ARHGAP22: variants seen among roughly 807,000 people sequenced by gnomAD.
The protein encoded by ARHGAP22 is Rho GTPase activating protein 22, also known as rho GTPase-activating protein 22.
In ARHGAP22, 48 loss-of-function variants were observed where a neutral mutation model predicts 59.1. The observed-to-expected ratio is 0.81, with a 90% CI of 0.64 to 1.03. The LOEUF is 1.03. Ranked by LOEUF, ARHGAP22 falls within the 50% of genes least tolerant of loss-of-function variation. The pLI is 0.00. For synonymous variants in ARHGAP22, 445 were observed against 416.4 expected (o/e 1.07, Z -0.84); for missense variants, 1,015 against 958.7 (o/e 1.06, Z -0.78).
rs376311993 is a variant in ARHGAP22, at chr10:48,493,753, G to A, written c.323-13989C>T. 33 of 1,002,450 alleles carry A rather than the reference G, an allele frequency of 3.3e-5. No individual in the cohort carries two copies. The South Asian group carries it at 6.3e-4, about 19-fold the overall frequency. The allele number at this position is 1,002,450 out of a possible 1,614,324, so 62.1% of individuals were successfully genotyped here. On this transcript the variant is annotated intron_variant, in intron 3 of 9. Coordinates refer to ENST00000249601, the MANE Select transcript of ARHGAP22 (RefSeq NM_021226.4). ...GGATCCCCGCCAGTGGGAGGTCGGC[G>A]TGGTTGTTCTGCATCCGCATCTGTG...
intron 1 of ARHGAP22, among the ~76,000 whole-genome samples, chr10:48,587,799 T>C (rs1298022507): frequency 6.6e-6 from 1 of 152,210 alleles, no homozygotes; most frequent in Non-Finnish European, 1.5e-5. Flanking sequence ...CTTGCTCTTC[T>C]TTCCACATCC....
At chr10:48,636,547 T>C (rs912388174) in intron 1 of ARHGAP22, among the ~76,000 whole-genome samples, 15 of 152,192 alleles carry the variant, frequency 9.9e-5, no homozygotes, top group Non-Finnish European at 2.1e-4. Context: ...TCCTGTTTCT[T>C]GCTGCTCCTT....
chr10:48,434,151 A>G, the ARHGAP22 span, among the ~76,000 whole-genome samples: 1 of 152,170 alleles, frequency 6.6e-6, no homozygotes, highest in Non-Finnish European at 1.5e-5. Flanking sequence ...GTTAGGTAAT[A>G]CTTTCGGCAA....
chr10:48,628,296 A>C (rs1012104590), intron 1 of ARHGAP22, among the ~76,000 whole-genome samples: 6 of 152,238 alleles, frequency 3.9e-5, no homozygotes, highest in Non-Finnish European at 8.8e-5. Context: ...CTGAGCATCT[A>C]CCAGGCACCT....
chr10:48,503,766 G>A (rs1222079157), intron 3 of ARHGAP22, among the ~76,000 whole-genome samples: 2 of 152,240 alleles, frequency 1.3e-5, no homozygotes, highest in African/African-American at 2.4e-5. Context: ...TGCCCCTTCC[G>A]GGCCTCCTGG....
intron 3 of ARHGAP22, among the ~76,000 whole-genome samples, chr10:48,505,885 G>A (rs1370684691): frequency 6.6e-6 from 1 of 152,212 alleles, no homozygotes; most frequent in African/African-American, 2.4e-5. Flanking sequence ...CAGGGCCTGT[G>A]GCTCTCCACA....
At chr10:48,567,609 G>T (rs975551058) in intron 2 of ARHGAP22, among the ~76,000 whole-genome samples, 10 of 152,192 alleles carry the variant, frequency 6.6e-5, no homozygotes, top group African/African-American at 2.4e-4. Context: ...TCCATGGGCT[G>T]CTCTCTGAGT....
At chr10:48,440,611 A>C in the ARHGAP22 span, among the ~76,000 whole-genome samples, 2 of 152,178 alleles carry the variant, frequency 1.3e-5, no homozygotes, top group Non-Finnish European at 2.9e-5. Flanking sequence ...ACGGCCTGGC[A>C]TGGGTGTAGG....
chr10:48,501,891 C>A (rs2051562493), intron 3 of ARHGAP22, among the ~76,000 whole-genome samples: 1 of 152,206 alleles, frequency 6.6e-6, no homozygotes, highest in African/African-American at 2.4e-5. Flanking sequence ...GGGCCCCAGG[C>A]TAGCTCCCAG....
chr10:48,597,522 G>A (rs369961337), intron 1 of ARHGAP22, among the ~76,000 whole-genome samples: 32 of 152,236 alleles, frequency 2.1e-4, no homozygotes, highest in African/African-American at 7.5e-4. Context: ...ATAAATGGGG[G>A]CCAGATACGG....
chr10:48,640,620 CA>C lies in ARHGAP22; in HGVS notation c.52+11613del, dbSNP rs533393691. Among the ~76,000 whole-genome samples, 904 of 152,186 alleles carry C rather than the reference CA, an allele frequency of 5.9e-3. 9 individuals are homozygous for C. Among genetic ancestry groups the C allele is most frequent in the African/African-American group, 0.021 (878 of 41,524 alleles). ...AAACTGTTAATTAAGAATTCTATAT[CA>C]AAAAATATATCCTTCAAAATGAAGG... On this transcript the variant is annotated intron_variant, in intron 1 of 9. Coordinates refer to the ARHGAP22 transcript ENST00000435790.
chr10:48,632,675 T>C (rs1405573062), intron 1 of ARHGAP22, among the ~76,000 whole-genome samples: 3 of 152,200 alleles, frequency 2.0e-5, no homozygotes, highest in Non-Finnish European at 4.4e-5. Flanking sequence ...ACTCCAAGTT[T>C]AGAGTGCACA....
At chr10:48,550,550 C>T (rs542843989) in intron 3 of ARHGAP22, among the ~76,000 whole-genome samples, 2 of 152,310 alleles carry the variant, frequency 1.3e-5, no homozygotes, top group African/African-American at 4.8e-5. Flanking sequence ...AACACATCTC[C>T]CAGGCATGAT....
At chr10:48,564,100 C>G (rs2057891276) in intron 2 of ARHGAP22, among the ~76,000 whole-genome samples, 1 of 152,118 alleles carries the variant, frequency 6.6e-6, no homozygotes. Flanking sequence ...TAAAGACTTT[C>G]TGAAAGCAAT....
rs530674388 is a variant in ARHGAP22, at chr10:48,610,584, T to C, written c.53-27432A>G. On this transcript the variant is annotated intron_variant, in intron 1 of 9. Transcript: ENST00000435790. ...GCCTAGTGTGGGCTGAATAGATGAATGAGTGGTGCCTCAGCTGGGTTCCAG... is the reference window on the plus strand; with the variant it reads ...GCCTAGTGTGGGCTGAATAGATGAACGAGTGGTGCCTCAGCTGGGTTCCAG... Among the ~76,000 whole-genome samples the C allele has an allele frequency of 5.9e-5, 9 of 152,302 alleles. No homozygotes were observed. In the East Asian group the frequency reaches 1.7e-3, roughly 29 times the overall value.
intron 1 of ARHGAP22, among the ~76,000 whole-genome samples, chr10:48,651,412 A>G (rs150697801): frequency 6.6e-6 from 1 of 152,014 alleles, no homozygotes; most frequent in Non-Finnish European, 1.5e-5. Context: ...CATCACCTGC[A>G]TAGTCCACCC....
chr10:48,470,430 C>G (rs1007890148), intron 4 of ARHGAP22, among the ~76,000 whole-genome samples: 1 of 152,174 alleles, frequency 6.6e-6, no homozygotes, highest in Non-Finnish European at 1.5e-5. Context: ...TGGCTGGAGG[C>G]CATTTCCTCT....
At chr10:48,507,900 G>A (rs2052312001) in intron 3 of ARHGAP22, among the ~76,000 whole-genome samples, 1 of 148,984 alleles carries the variant, frequency 6.7e-6, no homozygotes, top group Admixed American at 6.6e-5. Context: ...GGAAATACTG[G>A]GGGGTGGGGG....
chr10:48,471,256 T>C (rs936315683), intron 4 of ARHGAP22, among the ~76,000 whole-genome samples: 20 of 152,178 alleles, frequency 1.3e-4, no homozygotes, highest in African/African-American at 4.1e-4. Context: ...GCCTACTGCC[T>C]GTCTCCGGCC....
Sources: allele counts gnomAD v4.1 joint callset (sites outside exome capture counted in the v4.1 genomes callset), GRCh38; gene constraint gnomAD v4.1.1; transcripts MANE v1.5; gene names NCBI Gene and HGNC (gene_info 2026-07-23, HGNC 2026-07-21).